The following ANO2 variants were observed in gnomAD, a reference collection of about 807,000 sequenced individuals.
The protein encoded by ANO2 is anoctamin-2.
In ANO2, 101 loss-of-function variants were observed where a neutral mutation model predicts 124.2. That is an observed-to-expected ratio of 0.81 (90% CI 0.69 to 0.96). The LOEUF (loss-of-function observed/expected upper bound fraction) is 0.96. Ranked by LOEUF, ANO2 falls within the 40% of genes least tolerant of loss-of-function variation. The pLI is 0.00. For missense variants in ANO2, 1,293 were observed against 1,274.5 expected (o/e 1.01, Z -0.22); for synonymous variants, 486 against 482.5 (o/e 1.01, Z -0.09).
intron 4 of ANO2, among the ~76,000 whole-genome samples, chr12:5,846,904 G>T (rs1334116826): frequency 6.6e-6 from 1 of 152,126 alleles, no homozygotes; most frequent in Non-Finnish European, 1.5e-5. Flanking sequence ...CCAGGGCTAG[G>T]ACTTGGACAT....
At chr12:5,780,414 C>T (rs1952354390) in intron 10 of ANO2, among the ~76,000 whole-genome samples, 1 of 152,094 alleles carries the variant, frequency 6.6e-6, no homozygotes, top group Non-Finnish European at 1.5e-5. Context: ...CAAATAAAAA[C>T]AGTATCTCTT....
intron 9 of ANO2, 92 bp from the exon 10 acceptor site, chr12:5,799,663 A>C: frequency 8.7e-7 from 1 of 1,149,668 alleles, no homozygotes. Flanking sequence ...TTTTATCCCC[A>C]AAGTCCAGCT....
rs773330660 is a variant in ANO2 at position 5,933,862 on chromosome 12, G to A, written c.23-11058C>T. On this transcript the variant is annotated intron_variant, in intron 1 of 24. Coordinates refer to ENST00000682330, the MANE Select transcript of ANO2 (RefSeq NM_001364791.2). ...AGGTAAAGTCCTACTCCTATACCAC[G>A]CCTTCCCTAACCACTGAAGGAAGTC... Among the ~76,000 whole-genome samples, 8 of 152,226 alleles carry A rather than the reference G, an allele frequency of 5.3e-5. No individual in the cohort carries two copies. In the South Asian group the frequency reaches 8.3e-4, roughly 16 times the overall value.
chr12:5,604,469 A>T (rs1307604407), intron 19 of ANO2, among the ~76,000 whole-genome samples: 1 of 152,214 alleles, frequency 6.6e-6, no homozygotes, highest in Non-Finnish European at 1.5e-5. Flanking sequence ...GAGCAATGCC[A>T]ACTATGGATA....
At chr12:5,761,296 AAG>A (rs1591584144) in intron 10 of ANO2, among the ~76,000 whole-genome samples, 1 of 152,232 alleles carries the variant, frequency 6.6e-6, no homozygotes, top group East Asian at 1.9e-4. Flanking sequence ...AAAAAGAAGA[AAG>A]GGGGAAAAAG....
chr12:5,732,926 T>G (rs1412053989), intron 13 of ANO2: 1 of 1,611,866 alleles, frequency 6.2e-7, no homozygotes, highest in Non-Finnish European at 8.5e-7. Flanking sequence ...GTTAACTGGA[T>G]GGCTGATACG....
intron 14 of ANO2, among the ~76,000 whole-genome samples, chr12:5,694,372 A>C (rs17785624): frequency 0.012 from 1,827 of 152,096 alleles, 25 homozygotes; most frequent in Admixed American, 0.018. Flanking sequence ...TGTCAGATAC[A>C]GGCAGCCAAC....
intron 3 of ANO2, among the ~76,000 whole-genome samples, chr12:5,860,587 C>G (rs1955235862): frequency 6.6e-6 from 1 of 152,180 alleles, no homozygotes. Context: ...TGACCTTTGG[C>G]CAACAGAATT....
intron 7 of ANO2, 57 bp from the exon 8 acceptor site, chr12:5,807,425 A>G (rs1265860723): frequency 2.6e-5 from 38 of 1,462,284 alleles, no homozygotes; most frequent in Non-Finnish European, 3.4e-5. Flanking sequence ...TCTCAACTTA[A>G]CCCCTGTTTT....
rs533428850 is a variant in ANO2, at chr12:5,677,646, G to A, written c.1546-29845C>T. ...CACCTCCATCCCTGACCATACCACT[G>A]CACCACCCATGCCTACTGGAGGTCA... On this transcript the variant is annotated intron_variant, in intron 14 of 24. Coordinates refer to ENST00000682330, the MANE Select transcript of ANO2 (RefSeq NM_001364791.2). Among the ~76,000 whole-genome samples, 10 of 152,224 alleles carry A rather than the reference G, an allele frequency of 6.6e-5. No individual in the cohort carries two copies. The South Asian group carries it at 2.1e-3, about 32-fold the overall frequency.
intron 14 of ANO2, among the ~76,000 whole-genome samples, chr12:5,673,836 C>T (rs1415062911): frequency 6.6e-6 from 1 of 152,174 alleles, no homozygotes; most frequent in Non-Finnish European, 1.5e-5. Context: ...CGCATGGGTC[C>T]TTATGACTAC....
chr12:5,867,831 A>G (rs1425865959), intron 3 of ANO2, among the ~76,000 whole-genome samples: 1 of 150,654 alleles, frequency 6.6e-6, no homozygotes, highest in East Asian at 1.9e-4. Context: ...GTGAGCTTCC[A>G]AAAATATCCA....
intron 3 of ANO2, among the ~76,000 whole-genome samples, chr12:5,914,236 T>G (rs1406918090): frequency 6.6e-6 from 1 of 151,518 alleles, no homozygotes; most frequent in African/African-American, 2.4e-5. Flanking sequence ...TGAGGCGACA[T>G]TCTGATTTTC....
chr12:5,565,571 ACAAAAGC>A lies in ANO2; in HGVS notation c.2707_2713del (p.Ala903SerfsTer2). On this transcript the variant is annotated frameshift_variant, in exon 24 of 25. Coordinates refer to ENST00000682330, the MANE Select transcript of ANO2 (RefSeq NM_001364791.2). LOFTEE classifies it high-confidence loss of function. ...CCAGCAACTCACCTGGAAGATTATGACAAAAGCCAGACGGGCGGACAGAATAAACCAG... is the reference window on the plus strand; with the variant it reads ...CCAGCAACTCACCTGGAAGATTATGACAGACGGGCGGACAGAATAAACCAG... 6.2e-7 allele frequency: 1 copy of A among 1,600,230 alleles called. No homozygotes were observed. The highest frequency in any genetic ancestry group is 8.5e-7 in the Non-Finnish European group (1 of 1,172,860).
At chr12:5,797,038 G>A (rs1952883794) in intron 10 of ANO2, among the ~76,000 whole-genome samples, 1 of 152,226 alleles carries the variant, frequency 6.6e-6, no homozygotes, top group South Asian at 2.1e-4. Context: ...GCCTGTGCAT[G>A]AATTATCACG....
At chr12:5,722,777 T>C (rs946299667) in intron 14 of ANO2, among the ~76,000 whole-genome samples, 2 of 152,170 alleles carry the variant, frequency 1.3e-5, no homozygotes, top group African/African-American at 4.8e-5. Context: ...AGAACAAATA[T>C]GAATTTATAC....
intron 24 of ANO2, 101 bp downstream of exon 24, chr12:5,565,457 G>T: frequency 1.9e-6 from 2 of 1,029,502 alleles, no homozygotes; most frequent in South Asian, 1.5e-5. Context: ...TTATGTCACA[G>T]AGTACCACCG....
At chr12:5,689,374 A>AT (rs1240230177) in intron 14 of ANO2, among the ~76,000 whole-genome samples, 18 of 150,192 alleles carry the variant, frequency 1.2e-4, no homozygotes, top group Non-Finnish European at 2.5e-4. Flanking sequence ...ACAAGGAGAG[A>AT]TGAGGTTGTT....
intron 14 of ANO2, among the ~76,000 whole-genome samples, chr12:5,707,496 T>C (rs1434111669): frequency 4.7e-5 from 7 of 150,224 alleles, no homozygotes; most frequent in African/African-American, 1.7e-4. Flanking sequence ...GATGGGTCCA[T>C]AGTATCCTTT....
Sources: gnomAD v4.1 joint callset for allele counts (sites outside exome capture counted in the v4.1 genomes callset) on GRCh38, gnomAD v4.1.1 for gene constraint, MANE v1.5 for transcripts, NCBI Gene and HGNC (gene_info 2026-07-23, HGNC 2026-07-21) for gene names.